The following TRAPPC9 variants were observed in gnomAD, a reference collection of about 807,000 sequenced individuals.
TRAPPC9 encodes the protein IKK2 binding protein.
TRAPPC9 carries 83 observed loss-of-function variants against 124.0 expected under a neutral mutation model. The observed-to-expected ratio is 0.67, with a 90% CI of 0.56 to 0.80. The LOEUF (loss-of-function observed/expected upper bound fraction) is 0.80. Ranked by LOEUF, TRAPPC9 falls within the 30% of genes least tolerant of loss-of-function variation. The pLI, the probability that TRAPPC9 is intolerant of heterozygous loss-of-function variation, is 0.00. For synonymous variants in TRAPPC9, 638 were observed against 617.5 expected, an observed-to-expected ratio of 1.03 and a Z score of -0.49; for missense variants, 1,302 against 1,508.3, an observed-to-expected ratio of 0.86 and a Z score of 2.27.
At chr8:139,801,682 G>A (rs985459873) in intron 21 of TRAPPC9, among the ~76,000 whole-genome samples, 3 of 152,210 alleles carry the variant, frequency 2.0e-5, no homozygotes, top group African/African-American at 7.2e-5. Flanking sequence ...ACAGTTCTGG[G>A]TTTCAACTGC....
chr8:140,046,197 C>T (rs1338249448), intron 17 of TRAPPC9, among the ~76,000 whole-genome samples: 2 of 152,364 alleles, frequency 1.3e-5, no homozygotes, highest in Non-Finnish European at 1.5e-5. Flanking sequence ...GTGCTTGGCA[C>T]GGTCCACGGT....
intron 14 of TRAPPC9, among the ~76,000 whole-genome samples, chr8:140,277,287 C>A (rs2065158004): frequency 6.6e-6 from 1 of 152,206 alleles, no homozygotes; most frequent in Non-Finnish European, 1.5e-5. Context: ...TTTGGTGAAA[C>A]AATTGCATAA....
At chr8:140,407,078 G>A (rs765601265) in intron 5 of TRAPPC9, among the ~76,000 whole-genome samples, 14 of 152,290 alleles carry the variant, frequency 9.2e-5, no homozygotes, top group Middle Eastern at 6.8e-3. Flanking sequence ...CAGGACCTAC[G>A]TCAGGAACAT....
chr8:139,925,670 C>T (rs1832764818), intron 19 of TRAPPC9, among the ~76,000 whole-genome samples: 2 of 151,604 alleles, frequency 1.3e-5, no homozygotes, highest in African/African-American at 4.9e-5. Flanking sequence ...ATTGCTTGAA[C>T]CTGGGAGGCA....
intron 17 of TRAPPC9, among the ~76,000 whole-genome samples, chr8:140,030,751 A>G (rs1362728144): frequency 1.3e-5 from 2 of 152,252 alleles, no homozygotes; most frequent in African/African-American, 4.8e-5. Context: ...GAAAGAAGCC[A>G]GACACACAAG....
At chr8:140,454,002 A>T (rs1211191513) in intron 1 of TRAPPC9, among the ~76,000 whole-genome samples, 1 of 152,194 alleles carries the variant, frequency 6.6e-6, no homozygotes, top group Non-Finnish European at 1.5e-5. Flanking sequence ...TAGAAGTATC[A>T]TCTCGGCCAG....
intron 16 of TRAPPC9, among the ~76,000 whole-genome samples, chr8:140,239,930 G>A (rs1295714919): frequency 6.6e-6 from 1 of 152,180 alleles, no homozygotes; most frequent in Non-Finnish European, 1.5e-5. Context: ...AAGAGCAGTA[G>A]CAGATGAGGA....
chr8:140,006,681 T>C (rs1009290358), intron 18 of TRAPPC9, among the ~76,000 whole-genome samples: 3 of 152,338 alleles, frequency 2.0e-5, no homozygotes, highest in African/African-American at 7.2e-5. Context: ...ATAACATACA[T>C]AATTGTGGTT....
At chr8:139,750,509 C>T (rs1563784059) in intron 21 of TRAPPC9, among the ~76,000 whole-genome samples, 1 of 152,212 alleles carries the variant, frequency 6.6e-6, no homozygotes, top group Admixed American at 6.5e-5. Context: ...CCCTGCATTG[C>T]ACCCCAGCAT....
chr8:139,995,938 A>G (rs146584343), intron 18 of TRAPPC9, among the ~76,000 whole-genome samples: 114 of 151,060 alleles, frequency 7.5e-4, no homozygotes, highest in African/African-American at 2.6e-3. Flanking sequence ...CCAATATTAT[A>G]GTCAAGATGT....
In TRAPPC9 at chr8:140,252,598, C is replaced by A; in HGVS notation, c.2431+179G>T. ...ATTTAGATAAAAAGTACTTTTATTACTTTCAGACACATACAGTAACACACT... is the reference window on the plus strand; with the variant it reads ...ATTTAGATAAAAAGTACTTTTATTAATTTCAGACACATACAGTAACACACT... On this transcript the variant is annotated intron_variant, in intron 16 of 22. Coordinates refer to ENST00000438773, the MANE Select transcript of TRAPPC9 (RefSeq NM_001160372.4). This position sits in a 1 kb window ranked among gnomAD's most constrained non-coding sequence, Gnocchi z 4.2. 1.6e-6 allele frequency: 1 copy of A among 636,984 alleles called. No homozygotes were observed. The highest frequency in any genetic ancestry group is 1.9e-5 in the South Asian group (1 of 51,868). The allele number at this position is 636,984 out of a possible 1,614,324, so 39.5% of individuals were successfully genotyped here.
At chr8:140,433,588 T>A (rs939708430) in intron 4 of TRAPPC9, among the ~76,000 whole-genome samples, 2 of 152,114 alleles carry the variant, frequency 1.3e-5, no homozygotes, top group African/African-American at 2.4e-5. Context: ...AGACTCTGTC[T>A]CAAAAAACAA....
intron 11 of TRAPPC9, among the ~76,000 whole-genome samples, chr8:140,299,979 T>G (rs988513626): frequency 6.6e-6 from 1 of 152,216 alleles, no homozygotes; most frequent in African/African-American, 2.4e-5. Flanking sequence ...CTTCAGCCCT[T>G]GTAAAATCAG....
In TRAPPC9 at chr8:139,776,394, G is replaced by A. The variant is rs551892601; in HGVS notation, c.3056-44192C>T. Among the ~76,000 whole-genome samples, 7 of 152,370 alleles carry A rather than the reference G, an allele frequency of 4.6e-5. No individual in the cohort carries two copies. The highest frequency in any genetic ancestry group is 8.8e-5 in the Non-Finnish European group (6 of 68,044). On this transcript the variant is annotated intron_variant, in intron 21 of 22. Coordinates refer to ENST00000438773, the MANE Select transcript of TRAPPC9 (RefSeq NM_001160372.4). This position sits in a 1 kb window ranked among gnomAD's most constrained non-coding sequence, Gnocchi z 4.1. ...GTTTGTCCTCCGTGACCCAAAGAGA[G>A]GTCACAACGAATTGGGAAGGATGGG... is the stretch of plus-strand genomic sequence containing the variant.
intron 19 of TRAPPC9, among the ~76,000 whole-genome samples, chr8:139,940,308 C>G (rs898862239): frequency 1.3e-5 from 2 of 152,200 alleles, no homozygotes; most frequent in African/African-American, 4.8e-5. Context: ...GACAGAGAAA[C>G]AGGGAAGACA....
rs2068682018 is a variant in TRAPPC9 at position 140,383,888 on chromosome 8, A to T, written c.1135-12708T>A. ...AGATTCACCAAAGTTGAAATGAAGGAAAAAATGTTAAGGGCAGCCAGAGAG... is the reference window on the plus strand; with the variant it reads ...AGATTCACCAAAGTTGAAATGAAGGTAAAAATGTTAAGGGCAGCCAGAGAG... On this transcript the variant is annotated intron_variant, in intron 7 of 22. Coordinates refer to ENST00000438773, the MANE Select transcript of TRAPPC9 (RefSeq NM_001160372.4). Among the ~76,000 whole-genome samples, 3 of 152,334 alleles carry T rather than the reference A, an allele frequency of 2.0e-5. No individual in the cohort carries two copies. In the South Asian group the frequency reaches 6.2e-4, roughly 32 times the overall value.
chr8:139,914,932 G>A (rs1397555314), intron 19 of TRAPPC9: 2 of 152,220 alleles, frequency 1.3e-5, no homozygotes, highest in African/African-American at 2.4e-5. Flanking sequence ...ACATATCAGA[G>A]AATATTCATG....
chr8:140,189,283 A>G (rs987493062), intron 17 of TRAPPC9, among the ~76,000 whole-genome samples: 3 of 152,194 alleles, frequency 2.0e-5, no homozygotes, highest in African/African-American at 7.2e-5. Context: ...TCGTTTCCGC[A>G]TGGCCACAGA....
At chr8:140,015,236 G>A (rs1430949165) in intron 18 of TRAPPC9, among the ~76,000 whole-genome samples, 1 of 152,158 alleles carries the variant, frequency 6.6e-6, no homozygotes, top group African/African-American at 2.4e-5. Context: ...ACATCTAGAT[G>A]CCAGCCCTGT....
Sources: gnomAD v4.1 joint callset for allele counts (sites outside exome capture counted in the v4.1 genomes callset) on GRCh38, gnomAD v4.1.1 for gene constraint, Gnocchi (gnomAD v3.1) non-coding constraint, MANE v1.5 for transcripts, NCBI Gene and HGNC (gene_info 2026-07-23, HGNC 2026-07-21) for gene names.